MAP4K4: variants seen among roughly 807,000 people sequenced by gnomAD.
MAP4K4 encodes mitogen-activated protein kinase kinase kinase kinase 4.
A neutral mutation model predicts 189.6 loss-of-function variants in MAP4K4; 38 were observed. The observed-to-expected ratio is 0.20, with a 90% CI of 0.15 to 0.26. MAP4K4 has a LOEUF of 0.26. MAP4K4 is among the 10% of genes least tolerant of loss of function. The pLI is 1.00. For synonymous variants in MAP4K4, 610 were observed against 624.3 expected, an observed-to-expected ratio of 0.98 and a Z score of 0.34; for missense variants, 1,054 against 1,726.9, an observed-to-expected ratio of 0.61 and a Z score of 6.91.
At chr2:101,807,754 T>G (rs1172856551) in intron 3 of MAP4K4, among the ~76,000 whole-genome samples, 3 of 150,848 alleles carry the variant, frequency 2.0e-5, no homozygotes, top group Admixed American at 1.3e-4. Flanking sequence ...AGGAGCAAGA[T>G]AGAGAAAGAA....
intron 2 of MAP4K4, among the ~76,000 whole-genome samples, chr2:101,712,757 A>G (rs983801894): frequency 6.6e-6 from 1 of 151,866 alleles, no homozygotes; most frequent in African/African-American, 2.4e-5. Context: ...CGGCCTCTCC[A>G]CGTGCAGGGA....
exon 14 of MAP4K4, chr2:101,859,055 G>T: frequency 6.2e-7 from 1 of 1,612,414 alleles, no homozygotes; most frequent in Non-Finnish European, 8.5e-7. Flanking sequence ...TTCAGCAGCA[G>T]CTGCTCCAGG....
chr2:101,866,913 T>G (rs541061945), intron 19 of MAP4K4, among the ~76,000 whole-genome samples: 3 of 151,472 alleles, frequency 2.0e-5, no homozygotes, highest in African/African-American at 7.3e-5. Context: ...ATTGGTTATT[T>G]TAATGTACTC....
rs111574983 is a variant in MAP4K4 at position 101,758,550 on chromosome 2, G to A, written c.124-32170G>A. 1.7e-3 allele frequency among the ~76,000 whole-genome samples: 265 copies of A among 152,246 alleles called. 1 individual carries two copies. The highest frequency in any genetic ancestry group is 6.1e-3 in the African/African-American group (252 of 41,524). On this transcript the variant is annotated intron_variant, in intron 2 of 32. Coordinates refer to ENST00000324219, the Ensembl canonical transcript of MAP4K4. ...CATCTGTGGGAATTGACTAAGTGCG[G>A]ATTTGGTTATACTTGGGGGTCTTGG...
chr2:101,846,004 G>A (rs1459194080), intron 12 of MAP4K4, among the ~76,000 whole-genome samples: 1 of 152,124 alleles, frequency 6.6e-6, no homozygotes, highest in Non-Finnish European at 1.5e-5. Context: ...TTGTGTATTT[G>A]TAGTCTGGAT....
At chr2:101,787,714 CTA>C (rs903907238) in intron 2 of MAP4K4, among the ~76,000 whole-genome samples, 59 of 152,118 alleles carry the variant, frequency 3.9e-4, no homozygotes, top group African/African-American at 1.3e-3. Flanking sequence ...TCTCCCAAGA[CTA>C]TTTTGCTGGC....
chr2:101,718,496 G>T (rs1359860047), intron 2 of MAP4K4, among the ~76,000 whole-genome samples: 1 of 150,280 alleles, frequency 6.7e-6, no homozygotes, highest in African/African-American at 2.5e-5. Flanking sequence ...AGGTTTGGTT[G>T]GTAGGTAAGA....
At chr2:101,794,641 T>C (rs779927628) in intron 3 of MAP4K4, among the ~76,000 whole-genome samples, 1 of 152,244 alleles carries the variant, frequency 6.6e-6, no homozygotes, top group Non-Finnish European at 1.5e-5. Flanking sequence ...CTTCTACGTA[T>C]CATAAAATTT....
exon 33 of MAP4K4, chr2:101,892,580 G>A: frequency 6.9e-6 from 2 of 288,350 alleles, no homozygotes; most frequent in Non-Finnish European, 1.4e-5. Context: ...TTTTCTTGGG[G>A]GTGGGGGAGT....
intron 2 of MAP4K4, among the ~76,000 whole-genome samples, chr2:101,745,895 G>A (rs184436792): frequency 6.7e-6 from 1 of 149,664 alleles, no homozygotes; most frequent in East Asian, 2.0e-4. Flanking sequence ...ACTTGTATTG[G>A]CCCCCATTTG....
chr2:101,785,730 CTCTCTCTCT>C (rs2090632122), intron 2 of MAP4K4, among the ~76,000 whole-genome samples: 1 of 9,242 alleles, frequency 1.1e-4, no homozygotes, highest in African/African-American at 1.5e-3. Context: ...CTCTCTCTCT[CTCTCTCTCT>C]CTCTCTCTCT....
Position 101,882,468 on chromosome 2 carries a change from T to C in MAP4K4, c.3386-83T>C, listed in dbSNP as rs1023531406. On this transcript the variant is annotated intron_variant, in intron 27 of 32. Coordinates refer to ENST00000324219, the Ensembl canonical transcript of MAP4K4. ...GGTTTAAGTGCTGGCCTTAAGTGAT[T>C]GATTTCTTTTGGTTACTATTGTTAT... 2.7e-6 allele frequency: 3 copies of C among 1,120,032 alleles called. No individual in the cohort carries two copies. The African/African-American group carries it at 4.7e-5, about 18-fold the overall frequency. 69.4% of individuals were successfully genotyped at this position (1,120,032 alleles called of 1,614,324 possible). A position where few individuals can be genotyped will look rare whatever the true frequency, so the allele number is the denominator to read the frequency against.
chr2:101,879,831 CTTTTTT>C (rs60874878), intron 27 of MAP4K4, among the ~76,000 whole-genome samples: 1 of 125,004 alleles, frequency 8.0e-6, no homozygotes, highest in Admixed American at 8.1e-5. Flanking sequence ...TCAGCTGCTG[CTTTTTT>C]TTTTTTTTTT....
intron 8 of MAP4K4, among the ~76,000 whole-genome samples, 161 bp downstream of exon 8, chr2:101,834,624 A>G (rs971589572): frequency 6.6e-6 from 1 of 152,228 alleles, no homozygotes; most frequent in South Asian, 2.1e-4. Flanking sequence ...TGTAGAAGGA[A>G]TTCTTGGCAA....
intron 2 of MAP4K4, among the ~76,000 whole-genome samples, chr2:101,777,089 C>T (rs1400972999): frequency 1.3e-5 from 2 of 152,178 alleles, no homozygotes; most frequent in East Asian, 1.9e-4. Flanking sequence ...ATATAGGCCT[C>T]AGACCTTAAC....
chr2:101,859,661 A>G (rs776742471), exon 15 of MAP4K4: 1 of 1,609,426 alleles, frequency 6.2e-7, no homozygotes, highest in Non-Finnish European at 8.5e-7. Flanking sequence ...ATGGCGGGAG[A>G]TGGAGGAGCA....
intron 2 of MAP4K4, among the ~76,000 whole-genome samples, chr2:101,716,510 CA>C (rs112162844): frequency 0.27 from 36,469 of 136,732 alleles, 5,131 homozygotes; most frequent in Non-Finnish European, 0.33. Flanking sequence ...TAAAGGATGG[CA>C]AAAAAAAAAA....
chr2:101,744,694 C>A (rs774797490), intron 2 of MAP4K4, among the ~76,000 whole-genome samples: 5 of 152,084 alleles, frequency 3.3e-5, no homozygotes, highest in Non-Finnish European at 7.4e-5. Context: ...CCAGCCTCTT[C>A]CCTCGCTTGA....
At chr2:101,732,456 G>T (rs1005067211) in intron 2 of MAP4K4, among the ~76,000 whole-genome samples, 3 of 152,052 alleles carry the variant, frequency 2.0e-5, no homozygotes, top group African/African-American at 7.2e-5. Flanking sequence ...CCTTCTACCC[G>T]GTTTCATTCC....
Sources: allele counts gnomAD v4.1 joint callset (sites outside exome capture counted in the v4.1 genomes callset), GRCh38; gene constraint gnomAD v4.1.1; transcripts MANE v1.5; gene names NCBI Gene and HGNC (gene_info 2026-07-23, HGNC 2026-07-21).